EDDM3A: variants seen among roughly 807,000 people sequenced by gnomAD.
EDDM3A encodes the protein epididymal secretory protein E3-alpha.
For missense variants in EDDM3A, 199 were observed against 177.4 expected, an observed-to-expected ratio of 1.12 and a Z score of -0.69; for synonymous variants, 75 against 60.4, an observed-to-expected ratio of 1.24 and a Z score of -1.12.
chr14:20,747,940 C>T lies in EDDM3A; in HGVS notation c.360C>T (p.Phe120=). The stretch of plus-strand genomic sequence containing the variant: ...ATAGGTACACAGAGAGCAGAAGCTT[C>T]AGCTACATTGAATTCCATTGTGGCG... The part of the protein sequence containing the change: ...YNNRYTESRS[F]SYIEFHCGVD... Residue 120 remains phenylalanine, a synonymous_variant, in exon 2 of 2, where the codon TTC becomes TTT. Transcript: ENST00000326842. 6.2e-7 allele frequency: 1 copy of T among 1,614,094 alleles called. No homozygotes were observed. The highest frequency in any genetic ancestry group is 8.5e-7 in the Non-Finnish European group (1 of 1,179,996).
At chr14:20,738,719 A>T in the EDDM3A span, among the ~76,000 whole-genome samples, 2 of 152,212 alleles carry the variant, frequency 1.3e-5, no homozygotes, top group African/African-American at 4.8e-5. Flanking sequence ...TCACGTATAC[A>T]TGGGAGAAAC....
chr14:20,747,052 T>G (rs1038838794), intron 1 of EDDM3A, among the ~76,000 whole-genome samples: 7 of 59,992 alleles, frequency 1.2e-4, no homozygotes, highest in African/African-American at 5.7e-4. Flanking sequence ...TCCAAATTTG[T>G]GTTAGCTCTC....
intron 1 of EDDM3A, among the ~76,000 whole-genome samples, chr14:20,747,102 C>CTT (rs71112518): frequency 0.021 from 2,542 of 122,116 alleles, 106 homozygotes; most frequent in African/African-American, 0.071. Flanking sequence ...AAACTGTATT[C>CTT]TTTTTTTTTT....
At chr14:20,742,294 G>A (rs533032422), upstream of EDDM3A, among the ~76,000 whole-genome samples, 2 of 152,220 alleles carry the variant, frequency 1.3e-5, no homozygotes, top group Non-Finnish European at 2.9e-5. Context: ...ACACTGCTGA[G>A]TCTTAAACAA....
At chr14:20,742,517 G>A (rs190219305), upstream of EDDM3A, among the ~76,000 whole-genome samples, 300 of 152,330 alleles carry the variant, frequency 2.0e-3, 2 homozygotes, top group Middle Eastern at 0.01. Context: ...GTGGCCTGAT[G>A]CCTACATTCA....
At chr14:20,743,940 A>ATT (rs72521754), upstream of EDDM3A, among the ~76,000 whole-genome samples, 69,910 of 151,638 alleles carry the variant, frequency 0.46, 16,158 homozygotes, top group African/African-American at 0.47. Context: ...GGAGTCCATG[A>ATT]TTTTTTTTCC....
chr14:20,737,054 CTTTT>C, the EDDM3A span, among the ~76,000 whole-genome samples: 1 of 109,958 alleles, frequency 9.1e-6, no homozygotes. Flanking sequence ...TTTCTTTTTC[CTTTT>C]TTTTTTTTTT....
At chr14:20,745,023 A>C (rs1171694284), upstream of EDDM3A, among the ~76,000 whole-genome samples, 1 of 152,102 alleles carries the variant, frequency 6.6e-6, no homozygotes, top group Non-Finnish European at 1.5e-5. Flanking sequence ...GGAGTTCAAG[A>C]CCAACCTGGC....
upstream of EDDM3A, among the ~76,000 whole-genome samples, chr14:20,743,467 T>A (rs1449970952): frequency 3.3e-5 from 5 of 152,246 alleles, 1 homozygote; most frequent in South Asian, 1.0e-3. Context: ...AGAGAATCAC[T>A]TGAACCCAGG....
the EDDM3A span, among the ~76,000 whole-genome samples, chr14:20,737,516 T>C: frequency 0.079 from 11,947 of 152,190 alleles, 532 homozygotes; most frequent in Non-Finnish European, 0.089. Context: ...CTCACAGATA[T>C]CTCCACTAGA....
upstream of EDDM3A, among the ~76,000 whole-genome samples, chr14:20,742,033 T>C (rs1294195863): frequency 1.3e-5 from 2 of 152,242 alleles, no homozygotes; most frequent in East Asian, 1.9e-4. Context: ...TATCGATTTC[T>C]TGGGACATCA....
the EDDM3A span, among the ~76,000 whole-genome samples, chr14:20,736,972 C>G: frequency 6.6e-5 from 10 of 151,952 alleles, no homozygotes; most frequent in Non-Finnish European, 1.2e-4. Flanking sequence ...CTTGGACTCT[C>G]AAAGTGCTAG....
At chr14:20,737,882 C>T in the EDDM3A span, among the ~76,000 whole-genome samples, 12 of 152,224 alleles carry the variant, frequency 7.9e-5, no homozygotes, top group African/African-American at 2.2e-4. Flanking sequence ...TGTCCAGGTC[C>T]GGTATGGGGT....
the EDDM3A span, among the ~76,000 whole-genome samples, chr14:20,740,552 C>T: frequency 4.6e-5 from 7 of 152,274 alleles, no homozygotes; most frequent in African/African-American, 1.7e-4. Flanking sequence ...CACAAAGGGC[C>T]CTGCTCAAGG....
chr14:20,736,310 A>G, the EDDM3A span, among the ~76,000 whole-genome samples: 1 of 152,074 alleles, frequency 6.6e-6, no homozygotes, highest in Non-Finnish European at 1.5e-5. Context: ...GGGTTTCACC[A>G]TGTTGGCCAG....
intron 1 of EDDM3A, among the ~76,000 whole-genome samples, chr14:20,746,237 C>G (rs1206730422): frequency 6.6e-6 from 1 of 152,082 alleles, no homozygotes; most frequent in Non-Finnish European, 1.5e-5. Context: ...TTGTGTAGGC[C>G]TTTATCACCA....
the EDDM3A span, among the ~76,000 whole-genome samples, chr14:20,740,407 C>T: frequency 6.6e-6 from 1 of 152,214 alleles, no homozygotes; most frequent in South Asian, 2.1e-4. Context: ...CTCAGGCTCA[C>T]TTGCAGGGGA....
At chr14:20,745,886 T>C (rs906314270), upstream of EDDM3A, 4 of 152,388 alleles carry the variant, frequency 2.6e-5, no homozygotes, top group Admixed American at 6.5e-5. Flanking sequence ...TCCACTGCTG[T>C]AGATTTCCAG....
the EDDM3A span, among the ~76,000 whole-genome samples, chr14:20,737,520 C>T: frequency 0.22 from 33,695 of 152,100 alleles, 3,857 homozygotes; most frequent in Middle Eastern, 0.33. Context: ...CAGATATCTC[C>T]ACTAGACTCA....
Sources: gnomAD v4.1 joint callset for allele counts (sites outside exome capture counted in the v4.1 genomes callset) on GRCh38, gnomAD v4.1.1 for gene constraint, MANE v1.5 for transcripts, NCBI Gene and HGNC (gene_info 2026-07-23, HGNC 2026-07-21) for gene names.